ITPK1: variants seen among roughly 807,000 people sequenced by gnomAD.
The protein encoded by ITPK1 is inositol 1,3,4-trisphosphate 5/6-kinase.
In ITPK1, 21 loss-of-function variants were observed where a neutral mutation model predicts 45.3. The ratio of observed to expected loss-of-function variants is 0.46; its 90% CI spans 0.33 to 0.67. ITPK1 has a LOEUF of 0.67. Among genes scored for constraint, ITPK1 ranks in the 30% least tolerant of loss-of-function variants. The pLI is 0.02. For missense variants in ITPK1, 474 were observed against 573.5 expected, an observed-to-expected ratio of 0.83 and a Z score of 1.77; for synonymous variants, 258 against 253.6, an observed-to-expected ratio of 1.02 and a Z score of -0.16.
chr14:93,006,925 G>A (rs1887642902), intron 4 of ITPK1, among the ~76,000 whole-genome samples: 1 of 152,224 alleles, frequency 6.6e-6, no homozygotes, highest in Non-Finnish European at 1.5e-5. Flanking sequence ...TCAGCGGGAG[G>A]CAGGCAAGGT....
intron 4 of ITPK1, among the ~76,000 whole-genome samples, chr14:93,004,844 G>A (rs1193186645): frequency 1.3e-5 from 2 of 151,806 alleles, no homozygotes; most frequent in African/African-American, 2.4e-5. Flanking sequence ...CAACCACAAA[G>A]GGCCACAGGC....
intron 4 of ITPK1, among the ~76,000 whole-genome samples, chr14:92,996,635 C>A (rs1003695479): frequency 3.3e-5 from 5 of 152,040 alleles, no homozygotes; most frequent in Non-Finnish European, 5.9e-5. Context: ...GTGCTCAGGG[C>A]ATTATGTGGG....
chr14:92,981,359 C>G lies in ITPK1; in HGVS notation c.364+12521G>C, dbSNP rs143623254. Among the ~76,000 whole-genome samples the G allele has an allele frequency of 6.4e-3, 981 of 152,306 alleles. 13 individuals are homozygous for G. The highest frequency in any genetic ancestry group is 0.023 in the African/African-American group (941 of 41,562). On this transcript the variant is annotated intron_variant, in intron 5 of 10. Transcript: ENST00000267615. ...CTGGGCCTCGGCATGGGGCTCTCTCCCGCAGCACCAATAGCCCCCATTTCT... is the reference window on the plus strand; with the variant it reads ...CTGGGCCTCGGCATGGGGCTCTCTCGCGCAGCACCAATAGCCCCCATTTCT...
At chr14:93,106,868 C>T (rs1305133556) in intron 2 of ITPK1, among the ~76,000 whole-genome samples, 2 of 152,138 alleles carry the variant, frequency 1.3e-5, no homozygotes, top group African/African-American at 2.4e-5. Context: ...CTTCCTGGCC[C>T]AGAGCATTCC....
At chr14:93,057,608 G>A (rs548617078) in intron 3 of ITPK1, among the ~76,000 whole-genome samples, 1 of 152,360 alleles carries the variant, frequency 6.6e-6, no homozygotes, top group South Asian at 2.1e-4. Flanking sequence ...GGGATTTACA[G>A]AAGGTGAGAG....
intron 3 of ITPK1, among the ~76,000 whole-genome samples, chr14:93,035,591 C>T (rs144966909): frequency 5.2e-5 from 7 of 135,208 alleles, no homozygotes; most frequent in East Asian, 5.2e-4. Context: ...GGAAACAGGA[C>T]GGGAGGGAGG....
At chr14:92,991,840 G>T (rs1330656764) in intron 5 of ITPK1, among the ~76,000 whole-genome samples, 1 of 152,120 alleles carries the variant, frequency 6.6e-6, no homozygotes, top group Non-Finnish European at 1.5e-5. Context: ...AGGATGCTGG[G>T]GTCCTGCCAT....
At chr14:93,105,681 C>T (rs969925980) in intron 2 of ITPK1, among the ~76,000 whole-genome samples, 14 of 150,812 alleles carry the variant, frequency 9.3e-5, no homozygotes, top group African/African-American at 2.4e-4. Context: ...CCCACCACCA[C>T]GCCTGGCTAA....
intron 3 of ITPK1, among the ~76,000 whole-genome samples, chr14:93,028,656 G>T (rs1424453439): frequency 6.6e-6 from 1 of 152,198 alleles, no homozygotes; most frequent in African/African-American, 2.4e-5. Flanking sequence ...GCCTGGCCCA[G>T]AGCAGGCCCC....
intron 5 of ITPK1, among the ~76,000 whole-genome samples, chr14:92,986,700 T>A (rs956243021): frequency 1.3e-5 from 2 of 151,942 alleles, no homozygotes; most frequent in African/African-American, 4.8e-5. Flanking sequence ...GGGGCCTTCT[T>A]GTTTTGCTGG....
chr14:92,966,432 G>A (rs1184229752), intron 5 of ITPK1, among the ~76,000 whole-genome samples: 1 of 152,114 alleles, frequency 6.6e-6, no homozygotes, highest in Non-Finnish European at 1.5e-5. Flanking sequence ...AAATACCATT[G>A]AAAGAAATTA....
intron 4 of ITPK1, among the ~76,000 whole-genome samples, chr14:93,001,368 G>A (rs1887346344): frequency 6.6e-6 from 1 of 152,146 alleles, no homozygotes; most frequent in African/African-American, 2.4e-5. Flanking sequence ...CCTGCCTGGA[G>A]TTTGCTTCTC....
intron 3 of ITPK1, among the ~76,000 whole-genome samples, chr14:93,067,130 C>A (rs1182613410): frequency 1.3e-5 from 2 of 152,228 alleles, no homozygotes; most frequent in African/African-American, 4.8e-5. Flanking sequence ...CTAAAACCCC[C>A]GTTCCATCCC....
At chr14:93,045,865 T>C (rs1889749417) in intron 3 of ITPK1, among the ~76,000 whole-genome samples, 2 of 152,256 alleles carry the variant, frequency 1.3e-5, no homozygotes, top group South Asian at 2.1e-4. Context: ...TCCCTGAAAC[T>C]GTCCTCTGCA....
intron 5 of ITPK1, among the ~76,000 whole-genome samples, chr14:92,992,749 G>C (rs975743249): frequency 1.3e-5 from 2 of 152,258 alleles, no homozygotes; most frequent in East Asian, 3.8e-4. Flanking sequence ...TAGGGGCCGG[G>C]GAGCCTGAGT....
rs1188982034 is a variant in ITPK1 at position 92,938,451 on chromosome 14, C to T, written c.*3110G>A. On this transcript the variant is annotated 3_prime_UTR_variant, in exon 11 of 11. Transcript: ENST00000267615. ...TCTGGCAGGCAACAGCTGCTTTGCT[C>T]AGTTGGCTCAAACATGTGACAGCTT... 1 of 1,590,390 alleles carries T rather than the reference C, an allele frequency of 6.3e-7. No homozygotes were observed. Among genetic ancestry groups the T allele is most frequent in the South Asian group, 1.1e-5 (1 of 90,574 alleles).
intron 2 of ITPK1, among the ~76,000 whole-genome samples, chr14:93,090,158 G>A (rs1195119654): frequency 6.6e-6 from 1 of 151,142 alleles, no homozygotes; most frequent in Non-Finnish European, 1.5e-5. Context: ...CTCTGCAGCA[G>A]GTGCACACCT....
In ITPK1 at chr14:92,946,562, C is replaced by A. The variant is rs1358703191; in HGVS notation, c.739-69G>T. ...GCGAAGCCACACCACACAGACAGACCCCCCACACCAGCTGCCACGAGGCCC... is the reference window on the plus strand; with the variant it reads ...GCGAAGCCACACCACACAGACAGACACCCCACACCAGCTGCCACGAGGCCC... On this transcript the variant is annotated intron_variant, in intron 9 of 10. Coordinates refer to ENST00000267615, the MANE Select transcript of ITPK1 (RefSeq NM_014216.6). The A allele has an allele frequency of 1.0e-5, 15 of 1,464,024 alleles. No individual in the cohort carries two copies. In the Admixed American group the frequency reaches 2.5e-4, roughly 24 times the overall value. 90.7% of individuals were successfully genotyped at this position (1,464,024 alleles called of 1,614,324 possible).
intron 3 of ITPK1, among the ~76,000 whole-genome samples, chr14:93,017,573 C>A (rs1183989550): frequency 6.6e-6 from 1 of 152,216 alleles, no homozygotes; most frequent in African/African-American, 2.4e-5. Flanking sequence ...GGCAGCCTGA[C>A]CCCCGCTTCC....
Sources: allele counts gnomAD v4.1 joint callset (sites outside exome capture counted in the v4.1 genomes callset), GRCh38; gene constraint gnomAD v4.1.1; transcripts MANE v1.5; gene names NCBI Gene and HGNC (gene_info 2026-07-23, HGNC 2026-07-21).